Variants in SLC14A2 observed in about 807,000 individuals in gnomAD.
SLC14A2 encodes the protein urea transporter 2.
In SLC14A2, 91 loss-of-function variants were observed where a neutral mutation model predicts 104.6. That is an observed-to-expected ratio of 0.87 (90% CI 0.73 to 1.04). The LOEUF (loss-of-function observed/expected upper bound fraction) is 1.04, where lower values mean the gene tolerates loss of function less well. Among genes scored for constraint, SLC14A2 ranks in the 50% least tolerant of loss-of-function variants. SLC14A2 has a pLI of 0.00. For missense variants in SLC14A2, 1,189 were observed against 1,156.0 expected (o/e 1.03, Z -0.41); for synonymous variants, 476 against 466.4 (o/e 1.02, Z -0.27).
chr18:45,522,275 G>T (rs1645580776), intron 2 of SLC14A2, among the ~76,000 whole-genome samples: 2 of 152,146 alleles, frequency 1.3e-5, no homozygotes, highest in South Asian at 4.1e-4. Flanking sequence ...TTTATGTTTA[G>T]CCTTGCTATC....
At chr18:45,417,054 A>G (rs1433100371) in intron 1 of SLC14A2, among the ~76,000 whole-genome samples, 1 of 152,186 alleles carries the variant, frequency 6.6e-6, no homozygotes, top group African/African-American at 2.4e-5. Flanking sequence ...CATCACAAGG[A>G]TACAGCTGGC....
At chr18:45,530,517 A>C (rs1159062890) in intron 2 of SLC14A2, among the ~76,000 whole-genome samples, 1 of 152,092 alleles carries the variant, frequency 6.6e-6, no homozygotes, top group African/African-American at 2.4e-5. Flanking sequence ...AGCACCTCTC[A>C]TAACCCACTT....
At chr18:45,522,925 G>C (rs2043536367) in intron 2 of SLC14A2, among the ~76,000 whole-genome samples, 1 of 152,152 alleles carries the variant, frequency 6.6e-6, no homozygotes, top group Non-Finnish European at 1.5e-5. Flanking sequence ...GTTGCCAGGG[G>C]TTCCCATTTC....
At chr18:45,349,607 A>G (rs867630275) in intron 1 of SLC14A2, among the ~76,000 whole-genome samples, 16 of 152,300 alleles carry the variant, frequency 1.1e-4, no homozygotes, top group Admixed American at 3.3e-4. Context: ...GGGCAATTCA[A>G]TTCTCACAGG....
chr18:45,468,522 G>A (rs1361682173), intron 1 of SLC14A2, among the ~76,000 whole-genome samples: 4 of 151,922 alleles, frequency 2.6e-5, no homozygotes, highest in Non-Finnish European at 5.9e-5. Context: ...TTGGACTCGT[G>A]ACTTTATTTT....
At chr18:45,329,461 G>C (rs1295068916) in intron 1 of SLC14A2, among the ~76,000 whole-genome samples, 1 of 152,146 alleles carries the variant, frequency 6.6e-6, no homozygotes, top group Non-Finnish European at 1.5e-5. Flanking sequence ...AAATAGAAAA[G>C]ACTGTGTCCC....
At chr18:45,428,028 C>A (rs2086460013) in intron 1 of SLC14A2, among the ~76,000 whole-genome samples, 1 of 152,178 alleles carries the variant, frequency 6.6e-6, no homozygotes, top group Non-Finnish European at 1.5e-5. Flanking sequence ...AGAAAGAGTT[C>A]ACTGTTTATA....
chr18:45,175,734 G>T, the SLC14A2 span, among the ~76,000 whole-genome samples: 1 of 152,148 alleles, frequency 6.6e-6, no homozygotes, highest in Non-Finnish European at 1.5e-5. Context: ...TTATTATTGG[G>T]CCATGAGGTG....
chr18:45,554,737 G>A (rs1049587919), intron 2 of SLC14A2, among the ~76,000 whole-genome samples: 10 of 152,180 alleles, frequency 6.6e-5, no homozygotes, highest in Non-Finnish European at 1.3e-4. Flanking sequence ...ACAGCAGGCA[G>A]GGTATAAGAC....
chr18:45,255,319 T>TAG (rs145980877), intron 1 of SLC14A2, among the ~76,000 whole-genome samples: 14,823 of 151,400 alleles, frequency 0.098, 840 homozygotes, highest in African/African-American at 0.15. Context: ...TCCTTTTAAA[T>TAG]AGAGAGAGAG....
At chr18:45,235,812 TGTATATATATATATATATAC>T (rs2084220263) in intron 1 of SLC14A2, among the ~76,000 whole-genome samples, 2 of 100,660 alleles carry the variant, frequency 2.0e-5, no homozygotes, top group Non-Finnish European at 3.9e-5. Context: ...TGTGTGTGTG[TGTATATATATATATATATAC>T]GTGTATATAT....
At chr18:45,347,809 A>G (rs974268659) in intron 1 of SLC14A2, among the ~76,000 whole-genome samples, 2 of 152,240 alleles carry the variant, frequency 1.3e-5, no homozygotes, top group Non-Finnish European at 2.9e-5. Flanking sequence ...ACACTTCCAG[A>G]ACAGGCCACT....
intron 1 of SLC14A2, among the ~76,000 whole-genome samples, chr18:45,432,055 T>C (rs1207340233): frequency 6.6e-6 from 1 of 152,202 alleles, no homozygotes; most frequent in Non-Finnish European, 1.5e-5. Context: ...GGCTTCACTG[T>C]TGAATATCAT....
At chr18:45,558,886 G>A (rs2044166888) in intron 2 of SLC14A2, among the ~76,000 whole-genome samples, 1 of 152,152 alleles carries the variant, frequency 6.6e-6, no homozygotes, top group Non-Finnish European at 1.5e-5. Context: ...CGCCTCCTGG[G>A]TTCAATCGAT....
At chr18:45,498,239 G>A (rs565105293) in intron 2 of SLC14A2, among the ~76,000 whole-genome samples, 152 of 152,280 alleles carry the variant, frequency 1.0e-3, no homozygotes, top group South Asian at 2.1e-3. Flanking sequence ...CAACAACAAA[G>A]AAAACAATTT....
intron 1 of SLC14A2, among the ~76,000 whole-genome samples, chr18:45,420,958 C>T (rs144370741): frequency 6.6e-6 from 1 of 152,218 alleles, no homozygotes; most frequent in Non-Finnish European, 1.5e-5. Flanking sequence ...CCAGAATGAT[C>T]TCAATCTCTT....
intron 2 of SLC14A2, among the ~76,000 whole-genome samples, chr18:45,488,545 T>G (rs986612909): frequency 3.9e-5 from 6 of 152,052 alleles, no homozygotes; most frequent in Admixed American, 3.3e-4. Flanking sequence ...AAGAACTTAG[T>G]GGGGAAAAGG....
chr18:45,661,631 TAAG>T (rs1284708739), intron 10 of SLC14A2, among the ~76,000 whole-genome samples: 2 of 152,216 alleles, frequency 1.3e-5, no homozygotes, highest in Admixed American at 1.3e-4. Flanking sequence ...TTTATGATTC[TAAG>T]GTCAAACTAG....
chr18:45,430,916 T>C (rs1353177381), intron 1 of SLC14A2, among the ~76,000 whole-genome samples: 1 of 152,200 alleles, frequency 6.6e-6, no homozygotes, highest in African/African-American at 2.4e-5. Context: ...GGAGACCTTT[T>C]AGCCTTTGCC....
Sources: allele counts gnomAD v4.1 joint callset (sites outside exome capture counted in the v4.1 genomes callset), GRCh38; gene constraint gnomAD v4.1.1; transcripts MANE v1.5; gene names NCBI Gene and HGNC (gene_info 2026-07-23, HGNC 2026-07-21).